Variants in CCSER1 observed in about 807,000 individuals in gnomAD.
CCSER1 encodes serine-rich coiled-coil domain-containing protein 1.
CCSER1 carries 41 observed loss-of-function variants against 82.0 expected under a neutral mutation model. The observed-to-expected ratio is 0.50, with a 90% CI of 0.39 to 0.65. The LOEUF is 0.65. CCSER1 is among the 30% of genes least tolerant of loss of function. CCSER1 has a pLI of 0.00. For synonymous variants in CCSER1, 414 were observed against 383.9 expected, an observed-to-expected ratio of 1.08 and a Z score of -0.92; for missense variants, 1,119 against 1,064.2, an observed-to-expected ratio of 1.05 and a Z score of -0.72.
intron 9 of CCSER1, among the ~76,000 whole-genome samples, chr4:91,072,185 G>A (rs1032039924): frequency 3.3e-5 from 5 of 152,084 alleles, no homozygotes; most frequent in Admixed American, 6.6e-5. Flanking sequence ...AAACTGGGGG[G>A]CATGGAAGTG....
chr4:90,271,077 A>G (rs1458921777), intron 1 of CCSER1, among the ~76,000 whole-genome samples: 2 of 152,142 alleles, frequency 1.3e-5, no homozygotes, highest in African/African-American at 4.8e-5. Context: ...ACATCAATCT[A>G]CAGATTTAAT....
intron 4 of CCSER1, among the ~76,000 whole-genome samples, chr4:90,463,808 A>T (rs1414557946): frequency 4.6e-5 from 7 of 152,264 alleles, no homozygotes; most frequent in Non-Finnish European, 8.8e-5. Context: ...AGGCACCTTC[A>T]GTCACTTAAA....
chr4:91,391,984 CATAT>C (rs892735301), intron 10 of CCSER1, among the ~76,000 whole-genome samples: 35 of 152,032 alleles, frequency 2.3e-4, no homozygotes, highest in Non-Finnish European at 3.8e-4. Context: ...TATATATACA[CATAT>C]ATAGACATAT....
intron 10 of CCSER1, among the ~76,000 whole-genome samples, chr4:91,510,687 T>C (rs558393386): frequency 3.9e-5 from 6 of 152,308 alleles, no homozygotes; most frequent in South Asian, 2.1e-4. Flanking sequence ...TTTTTACTTA[T>C]TGATTTCTTT....
chr4:91,389,384 A>G (rs1751512403), intron 10 of CCSER1, among the ~76,000 whole-genome samples: 4 of 151,940 alleles, frequency 2.6e-5, no homozygotes, highest in Admixed American at 2.6e-4. Flanking sequence ...TCAGTTGGCT[A>G]TATGTATGTG....
intron 10 of CCSER1, among the ~76,000 whole-genome samples, chr4:91,312,488 C>T (rs1475942984): frequency 6.6e-6 from 1 of 151,808 alleles, no homozygotes; most frequent in Non-Finnish European, 1.5e-5. Flanking sequence ...TTAGCATCAT[C>T]CCTGCTTTCA....
rs1465579543 is a variant in CCSER1, at chr4:91,467,746, A to G, written c.2218-130826A>G. ...CATGTATGCAGCCAACAGTCACATG[A>G]AAACATGCTCATCATCACTGGCCAT... On this transcript the variant is annotated intron_variant, in intron 10 of 10. Transcript: ENST00000509176. Among the ~76,000 whole-genome samples, 8 of 152,364 alleles carry G rather than the reference A, an allele frequency of 5.3e-5. No individual in the cohort carries two copies. In the South Asian group the frequency reaches 6.2e-4, roughly 12 times the overall value.
intron 1 of CCSER1, among the ~76,000 whole-genome samples, chr4:90,293,978 A>G (rs1290041386): frequency 6.6e-6 from 1 of 152,068 alleles, no homozygotes; most frequent in East Asian, 1.9e-4. Flanking sequence ...TAAACATTAA[A>G]AAGATTGTGA....
chr4:91,170,715 G>A (rs1283464637), intron 10 of CCSER1, among the ~76,000 whole-genome samples: 4 of 152,094 alleles, frequency 2.6e-5, no homozygotes, highest in Non-Finnish European at 2.9e-5. Context: ...ATCCATAAAT[G>A]ACCTTTATTA....
At chr4:91,518,761 G>A (rs1398621889) in intron 10 of CCSER1, among the ~76,000 whole-genome samples, 1 of 152,180 alleles carries the variant, frequency 6.6e-6, no homozygotes, top group Non-Finnish European at 1.5e-5. Context: ...CTGTGGCAGT[G>A]GCAGAAGGGT....
At chr4:90,877,651 A>G (rs1334923204) in intron 8 of CCSER1, among the ~76,000 whole-genome samples, 1 of 145,798 alleles carries the variant, frequency 6.9e-6, no homozygotes, top group African/African-American at 2.5e-5. Flanking sequence ...CTCTGCTGCT[A>G]AATATACCCA....
intron 5 of CCSER1, among the ~76,000 whole-genome samples, chr4:90,592,665 A>G (rs1270451215): frequency 1.3e-5 from 2 of 151,660 alleles, no homozygotes; most frequent in African/African-American, 2.4e-5. Context: ...TACTTGCCCC[A>G]TATGCTTCTC....
At chr4:90,134,244 A>G (rs1274820236) in intron 1 of CCSER1, among the ~76,000 whole-genome samples, 1 of 152,194 alleles carries the variant, frequency 6.6e-6, no homozygotes, top group Non-Finnish European at 1.5e-5. Flanking sequence ...AAAAATTATG[A>G]AACTCATAAA....
chr4:90,382,115 T>C (rs1335896769), intron 3 of CCSER1, among the ~76,000 whole-genome samples: 1 of 152,098 alleles, frequency 6.6e-6, no homozygotes, highest in Non-Finnish European at 1.5e-5. Context: ...TGTGATGATC[T>C]AATCAGTGGG....
At chr4:90,391,491 C>CAA in intron 3 of CCSER1, among the ~76,000 whole-genome samples, 1 of 88,168 alleles carries the variant, frequency 1.1e-5, no homozygotes, top group African/African-American at 6.8e-5. Context: ...TATATACACA[C>CAA]ACACAGTGGG....
chr4:91,435,544 T>G (rs565844805), intron 10 of CCSER1, among the ~76,000 whole-genome samples: 2 of 152,310 alleles, frequency 1.3e-5, no homozygotes, highest in East Asian at 3.9e-4. Flanking sequence ...CGTCTGAGAG[T>G]TAGAAGATTG....
At chr4:91,221,838 G>T (rs1737775956) in intron 10 of CCSER1, among the ~76,000 whole-genome samples, 1 of 152,142 alleles carries the variant, frequency 6.6e-6, no homozygotes, top group East Asian at 1.9e-4. Context: ...GTGTGATAAG[G>T]TTATGCTCAG....
intron 5 of CCSER1, among the ~76,000 whole-genome samples, chr4:90,627,132 T>C (rs2148908018): frequency 6.6e-6 from 1 of 152,272 alleles, no homozygotes; most frequent in Admixed American, 6.5e-5. Context: ...GTAGTAATTA[T>C]TATCTTATCC....
At chr4:90,654,899 T>C (rs1204881331) in intron 6 of CCSER1, among the ~76,000 whole-genome samples, 1 of 152,048 alleles carries the variant, frequency 6.6e-6, no homozygotes, top group African/African-American at 2.4e-5. Flanking sequence ...AGAAATAAGA[T>C]TGAGGTTGAT....
Sources: allele counts gnomAD v4.1 joint callset (sites outside exome capture counted in the v4.1 genomes callset), GRCh38; gene constraint gnomAD v4.1.1; transcripts MANE v1.5; gene names NCBI Gene and HGNC (gene_info 2026-07-23, HGNC 2026-07-21).